LSS: variants seen among roughly 807,000 people sequenced by gnomAD.
The protein encoded by LSS is 2,3-epoxysqualene-lanosterol cyclase.
Under a neutral mutation model 110.3 loss-of-function variants are expected in LSS, and 90 were observed. The observed-to-expected ratio is 0.82, with a 90% CI of 0.69 to 0.97. The LOEUF is 0.97. LSS is among the 50% of genes least tolerant of loss of function. LSS has a pLI of 0.00. For synonymous variants in LSS, 433 were observed against 400.0 expected (o/e 1.08, Z -0.98); for missense variants, 927 against 990.0 (o/e 0.94, Z 0.85).
chr21:46,209,641 G>T lies in LSS; in HGVS notation c.1195-16C>A. 6.2e-7 allele frequency: 1 copy of T among 1,604,636 alleles called. No homozygotes were observed. The highest frequency in any genetic ancestry group is 8.5e-7 in the Non-Finnish European group (1 of 1,175,714). ...GCCCGCCCGCCTGGAAGAGACAGCA[G>T]GACAGAGAGGCTCAGCTGCCCTTGC... On this transcript the variant is annotated splice_polypyrimidine_tract_variant and intron_variant, in intron 12 of 21. Transcript: ENST00000397728. This position sits in a 1 kb window ranked among gnomAD's most constrained non-coding sequence, Gnocchi z 4.4.
chr21:46,196,628 T>C (rs1215383004), intron 17 of LSS, among the ~76,000 whole-genome samples: 1 of 152,032 alleles, frequency 6.6e-6, no homozygotes, highest in African/African-American at 2.4e-5. Context: ...GAGAAAACAA[T>C]AGATTTAGAA....
chr21:46,196,058 C>A, intron 18 of LSS, 144 bp downstream of exon 18: 1 of 825,168 alleles, frequency 1.2e-6, no homozygotes, highest in Non-Finnish European at 2.0e-6. Context: ...ACGAGGTCCC[C>A]CAGAAGTCAC....
chr21:46,215,771 G>A lies in LSS; in HGVS notation c.806C>T (p.Ala269Val), dbSNP rs779295483. 2 of 1,612,278 alleles carry A rather than the reference G, an allele frequency of 1.2e-6. No individual in the cohort carries two copies. The highest frequency in any genetic ancestry group is 1.7e-6 in the Non-Finnish European group (2 of 1,179,076). ...LRQELYVEDF[A>V]SIDWLAQRNN... ...CCTCTGCGCCAGCCAGTCAATGCTGGCGAAGTCCTCCACATAGAGCTCCTG... is the reference window on the plus strand; with the variant it reads ...CCTCTGCGCCAGCCAGTCAATGCTGACGAAGTCCTCCACATAGAGCTCCTG... The change falls in exon 8 of 22, where the codon GCC becomes GTC. Residue 269 changes from alanine (A) to valine (V), a missense_variant. By Grantham distance (64) the Ala-to-Val change is moderately conservative. Coordinates refer to ENST00000397728, the MANE Select transcript of LSS (RefSeq NM_002340.6).
chr21:46,194,958 A>C (rs1234389186), intron 19 of LSS, among the ~76,000 whole-genome samples: 4 of 152,230 alleles, frequency 2.6e-5, no homozygotes, highest in Admixed American at 1.3e-4. Context: ...GCAGCGTCTC[A>C]CAAGCTGCAC....
Position 46,228,510 on chromosome 21 carries a change from G to A in LSS, c.104C>T (p.Thr35Met), listed in dbSNP as rs1017883742. 1.9e-6 allele frequency: 3 copies of A among 1,601,888 alleles called. No individual in the cohort carries two copies. Among genetic ancestry groups the A allele is most frequent in the Admixed American group, 1.7e-5 (1 of 59,922 alleles). ...GCGCTCGTCCTGCAGGTAGGTCCAC[G>A]TCTGCCGGCCCCTCTCGCAGTTGAG... is the stretch of plus-strand genomic sequence containing the variant. ...WRLNCERGRQTWTYLQDERAG... is the reference protein window; with the variant it reads ...WRLNCERGRQMWTYLQDERAG... The change falls in exon 2 of 22, where the codon ACG becomes ATG. Residue 35 changes from threonine to methionine, a missense_variant. Transcript: ENST00000397728.
chr21:46,191,432 C>T (rs575846255), intron 21 of LSS, among the ~76,000 whole-genome samples, 197 bp from the exon 22 acceptor site: 1 of 152,280 alleles, frequency 6.6e-6, no homozygotes, highest in Admixed American at 6.5e-5. Context: ...TCAGACTCCC[C>T]GCCCTGCAGC....
intron 19 of LSS, among the ~76,000 whole-genome samples, chr21:46,194,913 C>T (rs556431165): frequency 2.0e-5 from 3 of 152,350 alleles, no homozygotes; most frequent in African/African-American, 7.2e-5. Context: ...GCCTCACGGA[C>T]GCGTCAGGCT....
At chr21:46,219,761 A>G (rs1352767574) in intron 5 of LSS, among the ~76,000 whole-genome samples, 189 bp from the exon 6 acceptor site, 1 of 152,158 alleles carries the variant, frequency 6.6e-6, no homozygotes, top group Non-Finnish European at 1.5e-5. Flanking sequence ...TTGCCTGGAT[A>G]CACGGCCCCC....
At chr21:46,228,250 G>A (rs1411777193) in intron 2 of LSS, among the ~76,000 whole-genome samples, 184 bp downstream of exon 2, 2 of 152,254 alleles carry the variant, frequency 1.3e-5, no homozygotes, top group African/African-American at 4.8e-5. Context: ...AGTCTCCTAT[G>A]CGTGGTTTAG....
rs1324938679 is a variant in LSS, at chr21:46,197,610, C to T, written c.1671-1343G>A. On this transcript the variant is annotated intron_variant, in intron 17 of 21. Coordinates refer to ENST00000397728, the MANE Select transcript of LSS (RefSeq NM_002340.6). Reference sequence around the variant, plus strand: ...CAAATTAAAACTGAGAAACTGCTGCCGGGCGCAGTGGCTCACGCCTTGTAA... The same window carrying T: ...CAAATTAAAACTGAGAAACTGCTGCTGGGCGCAGTGGCTCACGCCTTGTAA... 7.9e-5 allele frequency among the ~76,000 whole-genome samples: 12 copies of T among 152,318 alleles called. No individual in the cohort carries two copies. In the East Asian group the frequency reaches 1.5e-3, roughly 20 times the overall value.
Position 46,190,806 on chromosome 21 carries a change from C to T in LSS, c.*298G>A, listed in dbSNP as rs2079799685. On this transcript the variant is annotated 3_prime_UTR_variant, in exon 22 of 22. Transcript: ENST00000397728. This position sits in a 1 kb window ranked among gnomAD's most constrained non-coding sequence, Gnocchi z 4.6. ...CCTCCTAGCCTCACTACCTTGAGGCCGTGCCCAGAGGTGGCAGAAGGCGCT... is the reference window on the plus strand; with the variant it reads ...CCTCCTAGCCTCACTACCTTGAGGCTGTGCCCAGAGGTGGCAGAAGGCGCT... 3.2e-5 allele frequency: 13 copies of T among 410,838 alleles called. No individual in the cohort carries two copies. Among genetic ancestry groups the T allele is most frequent in the Admixed American group, 1.8e-4 (5 of 27,292 alleles). The allele number at this position is 410,838 out of a possible 1,614,324, so 25.4% of individuals were successfully genotyped here.
At chr21:46,202,163 G>A (rs913810624) in intron 17 of LSS, among the ~76,000 whole-genome samples, 22 of 141,178 alleles carry the variant, frequency 1.6e-4, no homozygotes, top group Non-Finnish European at 1.9e-4. Context: ...GGGAGGCCGA[G>A]GCGGGCGGAT....
chr21:46,196,155 C>T, intron 18 of LSS, 47 bp downstream of exon 18: 1 of 1,568,540 alleles, frequency 6.4e-7, no homozygotes, highest in Non-Finnish European at 8.8e-7. Flanking sequence ...GAGCAGAAAC[C>T]TGTGGATCCC....
chr21:46,196,804 T>TGTGACCGAG (rs2079915591), intron 17 of LSS, among the ~76,000 whole-genome samples: 1 of 152,236 alleles, frequency 6.6e-6, no homozygotes, highest in African/African-American at 2.4e-5. Context: ...GACCGAGGTC[T>TGTGACCGAG]GTGTGACCGC....
chr21:46,198,131 G>A (rs2079932966), intron 17 of LSS, among the ~76,000 whole-genome samples: 1 of 152,032 alleles, frequency 6.6e-6, no homozygotes, highest in African/African-American at 2.4e-5. Flanking sequence ...GCTGAACGTA[G>A]TGGCACATGC....
chr21:46,189,126 T>C lies in LSS; in HGVS notation c.*1978A>G. Reference sequence around the variant, plus strand: ...GAAACGAAACACAGTGTGACAGGCTTCTGATAAGGGAATCAATGTCTGTTT... The same window carrying C: ...GAAACGAAACACAGTGTGACAGGCTCCTGATAAGGGAATCAATGTCTGTTT... On this transcript the variant is annotated 3_prime_UTR_variant, in exon 22 of 22. Coordinates refer to ENST00000397728, the MANE Select transcript of LSS (RefSeq NM_002340.6). 1 of 232,318 alleles carries C rather than the reference T, an allele frequency of 4.3e-6. No homozygotes were observed. Among genetic ancestry groups the C allele is most frequent in the Non-Finnish European group, 8.7e-6 (1 of 115,122 alleles). 14.4% of individuals were successfully genotyped at this position (232,318 alleles called of 1,614,324 possible).
At chr21:46,194,791 A>G (rs984843473) in intron 19 of LSS, 130 bp from the exon 20 acceptor site, 2 of 817,366 alleles carry the variant, frequency 2.4e-6, no homozygotes, top group African/African-American at 3.5e-5. Context: ...CCTAAGGGCC[A>G]TGGGCCACTA....
Position 46,219,550 on chromosome 21 carries a change from G to C in LSS, c.573C>G (p.Ser191=), listed in dbSNP as rs1416862441. 1 of 1,600,844 alleles carries C rather than the reference G, an allele frequency of 6.2e-7. No homozygotes were observed. Among genetic ancestry groups the C allele is most frequent in the Admixed American group, 1.7e-5 (1 of 58,324 alleles). ...HKKGGAVAIP[S]WGKFWLAVLN... is the part of the protein sequence containing the mutation. ...GGACAGCCAGCCAGAACTTCCCCCAGGAGGGGATGGCCACAGCACCACCTG... is the reference window on the plus strand; with the variant it reads ...GGACAGCCAGCCAGAACTTCCCCCACGAGGGGATGGCCACAGCACCACCTG... The change falls in exon 6 of 22, where the codon TCC becomes TCG. Residue 191 remains serine, a synonymous_variant. Coordinates refer to ENST00000397728, the MANE Select transcript of LSS (RefSeq NM_002340.6).
chr21:46,194,615 G>A lies in LSS; in HGVS notation c.1864C>T (p.Arg622Trp), dbSNP rs577535551. Residue 622 changes from arginine (R) to tryptophan (W), a missense_variant, in exon 20 of 22, where the codon CGG (arginine) becomes TGG (tryptophan). Arg to Trp is a moderately radical substitution (Grantham distance 101). Transcript: ENST00000397728. ...VSRACDFLLS[R>W]QMADGGWGED... ...CCCCAGCCTCCGTCTGCCATCTGCC[G>A]GGACAGCAGGAAGTCACAGGCCCGG... 30 of 1,613,664 alleles carry A rather than the reference G, an allele frequency of 1.9e-5. No homozygotes were observed. Among genetic ancestry groups the A allele is most frequent in the Middle Eastern group, 1.7e-4 (1 of 6,060 alleles).
Sources: gnomAD v4.1 joint callset for allele counts (sites outside exome capture counted in the v4.1 genomes callset) on GRCh38, gnomAD v4.1.1 for gene constraint, Gnocchi (gnomAD v3.1) non-coding constraint, MANE v1.5 for transcripts, NCBI Gene and HGNC (gene_info 2026-07-23, HGNC 2026-07-21) for gene names.